Variants in IPO11 observed in about 807,000 individuals in gnomAD.
IPO11 encodes the protein importin 11.
In IPO11, 66 loss-of-function variants were observed where a neutral mutation model predicts 143.2. The observed-to-expected ratio is 0.46, with a 90% CI of 0.38 to 0.57. The LOEUF is 0.57. Among genes scored for constraint, IPO11 ranks in the 20% least tolerant of loss-of-function variants. The pLI, the probability that IPO11 is intolerant of heterozygous loss-of-function variation, is 0.00. For missense variants in IPO11, 1,026 were observed against 1,141.0 expected (o/e 0.90, Z 1.45); for synonymous variants, 385 against 377.8 (o/e 1.02, Z -0.22).
At chr5:62,610,655 TAATC>T (rs1338205560) in intron 29 of IPO11, among the ~76,000 whole-genome samples, 2 of 152,212 alleles carry the variant, frequency 1.3e-5, no homozygotes, top group African/African-American at 2.4e-5. Flanking sequence ...AGTAATCAAA[TAATC>T]AAGTGATAAT....
chr5:62,548,181 G>T lies in IPO11; in HGVS notation c.2251-2186G>T, dbSNP rs145601089. 2.0e-4 allele frequency among the ~76,000 whole-genome samples: 30 copies of T among 152,264 alleles called. No homozygotes were observed. The East Asian group carries it at 4.8e-3, about 24-fold the overall frequency. ...TCTTCAAAGCTGAGACATGTAGTCAGCTGTGATTACTTCTCCTTTTCTGTA... is the reference window on the plus strand; with the variant it reads ...TCTTCAAAGCTGAGACATGTAGTCATCTGTGATTACTTCTCCTTTTCTGTA... On this transcript the variant is annotated intron_variant, in intron 24 of 29. Coordinates refer to ENST00000325324, the MANE Select transcript of IPO11 (RefSeq NM_016338.5).
At chr5:62,562,586 G>T (rs907000666) in intron 27 of IPO11, among the ~76,000 whole-genome samples, 16 of 152,184 alleles carry the variant, frequency 1.1e-4, no homozygotes, top group African/African-American at 3.6e-4. Context: ...ATGCTTGCTT[G>T]CCCTCTGCTC....
At chr5:62,595,151 C>A (rs1181741609) in intron 28 of IPO11, among the ~76,000 whole-genome samples, 3 of 152,152 alleles carry the variant, frequency 2.0e-5, no homozygotes, top group South Asian at 2.1e-4. Context: ...CTTTGGGGGT[C>A]ACACAGTAGA....
chr5:62,580,046 T>G, intron 27 of IPO11: 1 of 1,551,232 alleles, frequency 6.4e-7, no homozygotes. Context: ...TTTCAACATC[T>G]TGAAAACCTT....
intron 27 of IPO11, among the ~76,000 whole-genome samples, chr5:62,572,545 G>GTTTGTTTGTTTA (rs375958074): frequency 2.0e-4 from 17 of 86,102 alleles, no homozygotes; most frequent in African/African-American, 6.6e-4. Context: ...ATATTTGTTT[G>GTTTGTTTGTTTA]TTTATTTATT....
chr5:62,501,662 TA>T (rs983605520), intron 16 of IPO11, among the ~76,000 whole-genome samples: 2 of 152,218 alleles, frequency 1.3e-5, no homozygotes, highest in African/African-American at 4.8e-5. Flanking sequence ...CCAGATTGTA[TA>T]ATTCAGTGTA....
intron 4 of IPO11, among the ~76,000 whole-genome samples, chr5:62,450,630 G>T (rs1744879379): frequency 6.8e-6 from 1 of 146,592 alleles, no homozygotes; most frequent in Admixed American, 6.9e-5. Flanking sequence ...TAATTTTAAT[G>T]ATTATAATTT....
At chr5:62,415,559 C>G (rs936766762) in intron 1 of IPO11, among the ~76,000 whole-genome samples, 1 of 150,834 alleles carries the variant, frequency 6.6e-6, no homozygotes, top group African/African-American at 2.4e-5. Flanking sequence ...ACCTCCGCCT[C>G]CTGGGTTCAA....
chr5:62,459,037 G>A (rs1745265824), intron 5 of IPO11, among the ~76,000 whole-genome samples: 1 of 152,074 alleles, frequency 6.6e-6, no homozygotes, highest in African/African-American at 2.4e-5. Flanking sequence ...TTCACGGGAT[G>A]CCTGAGATAG....
intron 19 of IPO11, among the ~76,000 whole-genome samples, chr5:62,510,691 T>G (rs557287841): frequency 1.0e-3 from 156 of 152,310 alleles, no homozygotes; most frequent in African/African-American, 3.6e-3. Context: ...TGCCCAGTTT[T>G]TTTCTCCTTC....
intron 29 of IPO11, among the ~76,000 whole-genome samples, chr5:62,626,664 C>CTTT (rs535167129): frequency 2.9e-5 from 4 of 136,218 alleles, no homozygotes; most frequent in African/African-American, 1.1e-4. Context: ...CGAGGAGTCC[C>CTTT]TTTTTTTTTT....
intron 27 of IPO11, chr5:62,578,789 A>G: frequency 2.4e-6 from 1 of 420,610 alleles, no homozygotes; most frequent in Non-Finnish European, 4.8e-6. Flanking sequence ...GCAAACGGTG[A>G]CTTAAAAAAA....
intron 5 of IPO11, among the ~76,000 whole-genome samples, chr5:62,462,025 T>A (rs1745377854): frequency 6.6e-6 from 1 of 152,232 alleles, no homozygotes; most frequent in South Asian, 2.1e-4. Flanking sequence ...AGTATTACTT[T>A]CTAGGGACAG....
At chr5:62,430,287 C>G (rs1447412265) in intron 1 of IPO11, among the ~76,000 whole-genome samples, 1 of 152,154 alleles carries the variant, frequency 6.6e-6, no homozygotes, top group Non-Finnish European at 1.5e-5. Flanking sequence ...TACATTTGCA[C>G]CAGCAATGCA....
At chr5:62,453,137 G>A (rs1745003339) in intron 5 of IPO11, among the ~76,000 whole-genome samples, 1 of 151,002 alleles carries the variant, frequency 6.6e-6, no homozygotes, top group African/African-American at 2.5e-5. Context: ...ATGGTGTTTT[G>A]TAGTTTTGTA....
chr5:62,527,220 T>C (rs914557601), intron 21 of IPO11, among the ~76,000 whole-genome samples: 1 of 152,244 alleles, frequency 6.6e-6, no homozygotes, highest in Non-Finnish European at 1.5e-5. Flanking sequence ...AAATATTTTA[T>C]ATTCAAACAC....
At chr5:62,448,890 G>T (rs1185894634) in intron 3 of IPO11, among the ~76,000 whole-genome samples, 2 of 152,078 alleles carry the variant, frequency 1.3e-5, no homozygotes, top group Non-Finnish European at 2.9e-5. Flanking sequence ...CCAGAACCTT[G>T]TAGTAATACG....
At chr5:62,558,823 C>T (rs32165) in intron 26 of IPO11, among the ~76,000 whole-genome samples, 14,850 of 151,922 alleles carry the variant, frequency 0.098, 802 homozygotes, top group East Asian at 0.14. Flanking sequence ...AGATTTGTTT[C>T]CGACCTCTTA....
chr5:62,471,820 C>G (rs1408141116), intron 7 of IPO11, among the ~76,000 whole-genome samples: 1 of 152,144 alleles, frequency 6.6e-6, no homozygotes, highest in East Asian at 1.9e-4. Flanking sequence ...GACGGACATA[C>G]AGGTTCTCAG....
Sources: gnomAD v4.1 joint callset for allele counts (sites outside exome capture counted in the v4.1 genomes callset) on GRCh38, gnomAD v4.1.1 for gene constraint, MANE v1.5 for transcripts, NCBI Gene and HGNC (gene_info 2026-07-23, HGNC 2026-07-21) for gene names.